The following FKRP variants were observed in gnomAD, a reference collection of about 807,000 sequenced individuals.
FKRP encodes fukutin related protein, also known as ribitol 5-phosphate transferase FKRP.
FKRP carries 25 observed loss-of-function variants against 30.6 expected under a neutral mutation model. That is an observed-to-expected ratio of 0.82 (90% CI 0.60 to 1.14). The LOEUF is 1.14. Ranked by LOEUF, FKRP falls within the 50% of genes most tolerant of loss-of-function variation. The pLI, the probability that FKRP is intolerant of heterozygous loss-of-function variation, is 0.00. For synonymous variants in FKRP, 358 were observed against 342.5 expected (o/e 1.05, Z -0.50); for missense variants, 771 against 727.8 (o/e 1.06, Z -0.68).
intron 3 of FKRP, among the ~76,000 whole-genome samples, chr19:46,751,010 A>G (rs2054780955): frequency 6.6e-6 from 1 of 151,804 alleles, no homozygotes; most frequent in African/African-American, 2.4e-5. Flanking sequence ...GATAACTACT[A>G]GGGGAGCAAA....
Position 46,756,499 on chromosome 19 carries a change from C to T in FKRP, c.1049C>T (p.Ala350Val). Residue 350 changes from alanine (A) to valine (V), a missense_variant, in exon 4 of 4, where the codon GCC becomes GTC. Ala to Val is a moderately conservative substitution (Grantham distance 64). Transcript: ENST00000318584. The surrounding 1 kb of genome is among the most constrained non-coding windows in gnomAD (Gnocchi z 6.6). ...YWLEGGSLLG[A>V]ARHGDIIPWD... The stretch of plus-strand genomic sequence containing the variant: ...CTCGAGGGCGGCTCACTGCTGGGGG[C>T]CGCCCGCCACGGGGACATCATCCCA... 1 of 1,555,326 alleles carries T rather than the reference C, an allele frequency of 6.4e-7. No homozygotes were observed. The highest frequency in any genetic ancestry group is 8.7e-7 in the Non-Finnish European group (1 of 1,152,484).
At chr19:46,746,039 G>A (rs12984041), upstream of FKRP, 33 of 903,398 alleles carry the variant, frequency 3.7e-5, 1 homozygote, top group African/African-American at 2.8e-4. Flanking sequence ...CCGCCCCCCC[G>A]CCGGCCGTCC....
chr19:46,751,760 T>A (rs1021770327), intron 3 of FKRP, among the ~76,000 whole-genome samples: 1 of 151,666 alleles, frequency 6.6e-6, no homozygotes, highest in Non-Finnish European at 1.5e-5. Context: ...AGAGATGGGG[T>A]TTCACCATGT....
At chr19:46,754,969 A>G (rs1295901874) in intron 3 of FKRP, among the ~76,000 whole-genome samples, 2 of 151,964 alleles carry the variant, frequency 1.3e-5, no homozygotes. Flanking sequence ...AATTCTGATT[A>G]AGTATATATA....
At position 46,757,026 on chromosome 19, in the gene FKRP, C is replaced by T; in HGVS notation, c.*88C>T. The stretch of plus-strand genomic sequence containing the variant: ...AGCGGTGAGGGGTGGAGGGATGTCG[C>T]GGAGAGGGGAAGGGGGAAACTGACC... On this transcript the variant is annotated 3_prime_UTR_variant, in exon 4 of 4. Coordinates refer to ENST00000318584, the MANE Select transcript of FKRP (RefSeq NM_024301.5). 6.5e-7 allele frequency: 1 copy of T among 1,532,862 alleles called. No homozygotes were observed. The highest frequency in any genetic ancestry group is 8.9e-7 in the Non-Finnish European group (1 of 1,119,014). 95.0% of individuals were successfully genotyped at this position (1,532,862 alleles called of 1,614,324 possible).
At chr19:46,755,374 A>G (rs2054885741) in intron 3 of FKRP, 38 bp from the exon 4 acceptor site, 1 of 1,354,258 alleles carries the variant, frequency 7.4e-7, no homozygotes, top group African/African-American at 1.5e-5. Context: ...TGGTTCTGAC[A>G]ATCAGCTGCT....
Position 46,757,002 on chromosome 19 carries a change from G to T in FKRP, c.*64G>T. ...CTGGATGTGGAGAAGCTCTGTGTGA[G>T]CGGTGAGGGGTGGAGGGATGTCGCG... On this transcript the variant is annotated 3_prime_UTR_variant, in exon 4 of 4. Transcript: ENST00000318584. 6.3e-7 allele frequency: 1 copy of T among 1,595,356 alleles called. No homozygotes were observed. Among genetic ancestry groups the T allele is most frequent in the Non-Finnish European group, 8.6e-7 (1 of 1,168,316 alleles).
chr19:46,756,131 C>T lies in FKRP; in HGVS notation c.681C>T (p.Ala227=). ...PVGTSLFLQT[A]LRGWAVQLLD... The stretch of plus-strand genomic sequence containing the variant: ...GCACCAGCCTCTTTCTGCAGACCGC[C>T]CTTCGCGGCTGGGCGGTGCAGCTGC... The change falls in exon 4 of 4, where the codon GCC becomes GCT. Residue 227 remains alanine (A), a synonymous_variant. Transcript: ENST00000318584. This position sits in a 1 kb window ranked among gnomAD's most constrained non-coding sequence, Gnocchi z 6.6. 1 of 1,502,270 alleles carries T rather than the reference C, an allele frequency of 6.7e-7. No individual in the cohort carries two copies. Among genetic ancestry groups the T allele is most frequent in the Non-Finnish European group, 8.8e-7 (1 of 1,135,802 alleles). 93.1% of individuals were successfully genotyped at this position (1,502,270 alleles called of 1,614,324 possible).
At chr19:46,746,275 G>A (rs1187626427) in intron 1 of FKRP, 185 bp downstream of exon 1, 5 of 1,456,588 alleles carry the variant, frequency 3.4e-6, no homozygotes, top group Non-Finnish European at 4.5e-6. Context: ...GCCCGGGGCT[G>A]CCTCCGCCGC....
rs2054884009 is a variant in FKRP at position 46,755,256 on chromosome 19, G to T, written c.-39-156G>T. Among the ~76,000 whole-genome samples the T allele has an allele frequency of 1.3e-5, 2 of 152,108 alleles. 1 individual carries two copies. Among genetic ancestry groups the T allele is most frequent in the South Asian group, 4.2e-4 (2 of 4,816 alleles). On this transcript the variant is annotated intron_variant, in intron 3 of 3. Transcript: ENST00000318584. ...GCATGGCCCAGACTGGGAGGTCAGG[G>T]AGTGCTTCCTGGAGAAGGGGAAGTC...
chr19:46,744,901 A>C (rs1303081629), upstream of FKRP, among the ~76,000 whole-genome samples: 3 of 151,914 alleles, frequency 2.0e-5, no homozygotes, highest in Non-Finnish European at 4.4e-5. Context: ...CTGCCAATGG[A>C]CCTGACGCTC....
At chr19:46,750,014 G>A (rs1453555292) in intron 3 of FKRP, among the ~76,000 whole-genome samples, 1 of 151,930 alleles carries the variant, frequency 6.6e-6, no homozygotes, top group African/African-American at 2.4e-5. Context: ...CACCACATCG[G>A]CTGGTTTCCA....
Position 46,756,036 on chromosome 19 carries a change from G to A in FKRP, c.586G>A (p.Gly196Arg), listed in dbSNP as rs759875552. 3 of 1,579,308 alleles carry A rather than the reference G, an allele frequency of 1.9e-6. No homozygotes were observed. The African/African-American group carries it at 4.1e-5, about 22-fold the overall frequency. ...CGCGCCCCGCTGCGACGCCCTGGAC[G>A]GAGATGCTGTGGTGCTCCTGCGCGC... is the stretch of plus-strand genomic sequence containing the variant. Reference protein sequence around the residue: ...PAAPRCDALDGDAVVLLRARD... With the variant: ...PAAPRCDALDRDAVVLLRARD... The change falls in exon 4 of 4, where the codon GGA (glycine) becomes AGA (arginine). Residue 196 changes from glycine to arginine, a missense_variant. Transcript: ENST00000318584. This position sits in a 1 kb window ranked among gnomAD's most constrained non-coding sequence, Gnocchi z 6.6.
Position 46,751,924 on chromosome 19 carries a change from T to C in FKRP, c.-40+3259T>C, listed in dbSNP as rs141347168. 3.8e-3 allele frequency among the ~76,000 whole-genome samples: 570 copies of C among 151,826 alleles called. 3 individuals carry two copies. Among genetic ancestry groups the C allele is most frequent in the African/African-American group, 0.013 (524 of 41,410 alleles). The stretch of plus-strand genomic sequence containing the variant: ...AGGAAGAGGTTATGGGAAGGTGACA[T>C]TGGAGTGATGGGGGTGGGGGCCGGC... On this transcript the variant is annotated intron_variant, in intron 3 of 3. Transcript: ENST00000318584.
In FKRP at chr19:46,756,724, G is replaced by C. The variant is rs773049327; in HGVS notation, c.1274G>C (p.Gly425Ala). ...VDLWPFYPRN[G>A]VMTKDTWLDH... is the part of the protein sequence containing the mutation. ...CTGTGGCCCTTCTACCCCCGCAATGGCGTCATGACCAAGGACACGTGGCTG... is the reference window on the plus strand; with the variant it reads ...CTGTGGCCCTTCTACCCCCGCAATGCCGTCATGACCAAGGACACGTGGCTG... The change falls in exon 4 of 4, where the codon GGC (glycine) becomes GCC (alanine). Residue 425 changes from glycine to alanine, a missense_variant. Coordinates refer to ENST00000318584, the MANE Select transcript of FKRP (RefSeq NM_024301.5). This position sits in a 1 kb window ranked among gnomAD's most constrained non-coding sequence, Gnocchi z 6.6. The C allele has an allele frequency of 6.2e-7, 1 of 1,611,536 alleles. No homozygotes were observed. The highest frequency in any genetic ancestry group is 1.1e-5 in the South Asian group (1 of 90,586).
In FKRP at chr19:46,756,113, C is replaced by A. The variant is rs28937902; in HGVS notation, c.663C>A (p.Ser221Arg). 2 of 1,525,174 alleles carry A rather than the reference C, an allele frequency of 1.3e-6. No homozygotes were observed. The highest frequency in any genetic ancestry group is 1.2e-5 in the South Asian group (1 of 81,612). 94.5% of individuals were successfully genotyped at this position (1,525,174 alleles called of 1,614,324 possible). ...SAPLARPVGT[S>R]LFLQTALRGW... ...CCCTGGCCCGGCCGGTGGGCACCAG[C>A]CTCTTTCTGCAGACCGCCCTTCGCG... is the stretch of plus-strand genomic sequence containing the variant. The change falls in exon 4 of 4, where the codon AGC becomes AGA. Residue 221 changes from serine (S) to arginine (R), a missense_variant. Physicochemically the swap from Ser to Arg is moderately radical, Grantham distance 110. Coordinates refer to ENST00000318584, the MANE Select transcript of FKRP (RefSeq NM_024301.5). This position sits in a 1 kb window ranked among gnomAD's most constrained non-coding sequence, Gnocchi z 6.6.
At chr19:46,746,387 G>A (rs1321506879) in intron 1 of FKRP, 2 of 1,097,696 alleles carry the variant, frequency 1.8e-6, no homozygotes, top group East Asian at 5.4e-5. Context: ...ACGGCAGGAG[G>A]AGGCGGCGGC....
At position 46,756,273 on chromosome 19, in the gene FKRP, C is replaced by G; in HGVS notation, c.823C>G (p.Arg275Gly). Residue 275 changes from arginine (R) to glycine (G), a missense_variant, in exon 4 of 4, where the codon CGC becomes GGC. Transcript: ENST00000318584. This position sits in a 1 kb window ranked among gnomAD's most constrained non-coding sequence, Gnocchi z 6.6. ...GGCGCTGCTCCGCGCGCTGGGCATC[C>G]GCCTAGTGAGCTGGGAAGGCGGGCG... ...RAALLRALGI[R>G]LVSWEGGRLE... The G allele has an allele frequency of 2.0e-6, 3 of 1,510,332 alleles. No homozygotes were observed. Among genetic ancestry groups the G allele is most frequent in the Non-Finnish European group, 2.6e-6 (3 of 1,132,862 alleles). 93.6% of individuals were successfully genotyped at this position (1,510,332 alleles called of 1,614,324 possible).
At chr19:46,750,650 C>T (rs1468652478) in intron 3 of FKRP, among the ~76,000 whole-genome samples, 1 of 151,954 alleles carries the variant, frequency 6.6e-6, no homozygotes, top group Non-Finnish European at 1.5e-5. Context: ...CTCAGCCTCC[C>T]TCCTAAGTAG....
Sources: gnomAD v4.1 joint callset for allele counts (sites outside exome capture counted in the v4.1 genomes callset) on GRCh38, gnomAD v4.1.1 for gene constraint, Gnocchi (gnomAD v3.1) non-coding constraint, MANE v1.5 for transcripts, NCBI Gene and HGNC (gene_info 2026-07-23, HGNC 2026-07-21) for gene names.